XPO5: variants seen among roughly 807,000 people sequenced by gnomAD.
XPO5 encodes exportin-5.
XPO5 carries 46 observed loss-of-function variants against 160.6 expected under a neutral mutation model. The ratio of observed to expected loss-of-function variants is 0.29; its 90% confidence interval spans 0.23 to 0.37. The LOEUF (loss-of-function observed/expected upper bound fraction) is 0.37, where lower values mean the gene tolerates loss of function less well. Among genes scored for constraint, XPO5 ranks in the 10% least tolerant of loss-of-function variants. The probability of loss-of-function intolerance (pLI) is 1.00; values close to 1 mark genes in which losing one functional copy is unlikely to be tolerated. For missense variants in XPO5, 1,090 were observed against 1,463.9 expected, an observed-to-expected ratio of 0.74 and a Z score of 4.17; for synonymous variants, 537 against 519.3, an observed-to-expected ratio of 1.03 and a Z score of -0.46.
Position 43,546,955 on chromosome 6 carries a change from G to C in XPO5, c.2161-203C>G, listed in dbSNP as rs545240728. On this transcript the variant is annotated intron_variant, in intron 19 of 31. Transcript: ENST00000265351. ...CCTCTCACTGCCATTTTCAGGGCCA[G>C]TGGTAGGCTCTGGAAACTTCCCTTG... is the stretch of plus-strand genomic sequence containing the variant. Among the ~76,000 whole-genome samples, 90 of 152,298 alleles carry C rather than the reference G, an allele frequency of 5.9e-4. 1 individual carries two copies. In the South Asian group the frequency reaches 0.018, roughly 31 times the overall value.
At chr6:43,547,786 A>G in intron 18 of XPO5, 79 bp from the exon 19 acceptor site, 1 of 1,297,618 alleles carries the variant, frequency 7.7e-7, no homozygotes, top group East Asian at 2.3e-5. Context: ...TTAACAGGCT[A>G]TCATTATTTG....
chr6:43,554,325 C>A (rs1338932064), intron 13 of XPO5, among the ~76,000 whole-genome samples: 1 of 151,930 alleles, frequency 6.6e-6, no homozygotes, highest in Non-Finnish European at 1.5e-5. Context: ...CTTGGCCAGG[C>A]TGGTCTTAAA....
intron 23 of XPO5, among the ~76,000 whole-genome samples, chr6:43,530,157 TG>T (rs1413024257): frequency 6.6e-6 from 1 of 152,166 alleles, no homozygotes; most frequent in Non-Finnish European, 1.5e-5. Context: ...CTTGGGAGGC[TG>T]AGGCACATGA....
At chr6:43,561,335 ATC>A (rs1762404606) in intron 9 of XPO5, 1 of 245,150 alleles carries the variant, frequency 4.1e-6, no homozygotes, top group African/African-American at 2.3e-5. Flanking sequence ...ACCTATTCAC[ATC>A]TCTGTGTCCC....
intron 2 of XPO5, among the ~76,000 whole-genome samples, chr6:43,572,973 A>G (rs1046437793): frequency 6.6e-6 from 1 of 152,174 alleles, no homozygotes; most frequent in African/African-American, 2.4e-5. Flanking sequence ...TTCTGGAAAA[A>G]CTATGGCTAA....
At chr6:43,562,184 T>C (rs953961892) in intron 9 of XPO5, 63 bp downstream of exon 9, 6 of 1,373,166 alleles carry the variant, frequency 4.4e-6, no homozygotes, top group African/African-American at 4.3e-5. Context: ...CATTGAAACA[T>C]AAGTTTCTAA....
At chr6:43,566,294 TGAGGCAGGAGAATTGCTTGAACCCGG>T (rs1216866787) in intron 7 of XPO5, among the ~76,000 whole-genome samples, 1 of 152,128 alleles carries the variant, frequency 6.6e-6, no homozygotes, top group Non-Finnish European at 1.5e-5. Flanking sequence ...CTCAGGAGGC[TGAGGCAGGAGAATTGCTTGAACCCGG>T]GAGGCAGAGG....
Position 43,524,910 on chromosome 6 carries a change from T to G in XPO5, c.3233A>C (p.Lys1078Thr), listed in dbSNP as rs770375547. ...GTGCTGCCCGTGCATCTGTAAGCCT[T>G]TCAGCACACTGGTGAAAAGCCACGT... is the stretch of plus-strand genomic sequence containing the variant. ...AVTWLFTSVL[K>T]GLQMHGQHDG... The change falls in exon 30 of 32, where the codon AAA (lysine) becomes ACA (threonine). Residue 1078 changes from lysine to threonine, a missense_variant. By Grantham distance (78) the Lys-to-Thr change is moderately conservative. Around this residue, in one of 3 missense-constraint regions of XPO5, gnomAD observed 810 missense variants for 1,139.0 expected, o/e 0.71. Coordinates refer to ENST00000265351, the MANE Select transcript of XPO5 (RefSeq NM_020750.3). The G allele has an allele frequency of 5.6e-6, 9 of 1,613,872 alleles. No homozygotes were observed. The African/African-American group carries it at 1.1e-4, about 19-fold the overall frequency.
chr6:43,560,202 A>C lies in XPO5; in HGVS notation c.1197T>G (p.Arg399=). The part of the protein sequence containing the change: ...LLLAIIPKYL[R]ASMTNLVKMG... ...CCTTGACCAAGTTAGTCATGGAAGC[A>C]CGAAGATATTTTGGTATTATTGCTA... Residue 399 remains arginine, a synonymous_variant, in exon 11 of 32, where the codon CGT becomes CGG. Coordinates refer to ENST00000265351, the MANE Select transcript of XPO5 (RefSeq NM_020750.3). The C allele has an allele frequency of 6.2e-7, 1 of 1,612,814 alleles. No individual in the cohort carries two copies. Among genetic ancestry groups the C allele is most frequent in the Non-Finnish European group, 8.5e-7 (1 of 1,179,302 alleles).
chr6:43,567,313 A>G lies in XPO5; in HGVS notation c.690T>C (p.Thr230=). ...ACACCCAGTCAATATAGCCTGCTAG[A>G]GTATTCAGTGCTGCAACTCCTACTC... ...NCRVGVAALN[T]LAGYIDWVSM... The change falls in exon 7 of 32, where the codon ACT becomes ACC. Residue 230 remains threonine, a synonymous_variant. Coordinates refer to ENST00000265351, the MANE Select transcript of XPO5 (RefSeq NM_020750.3). The G allele has an allele frequency of 6.2e-7, 1 of 1,613,408 alleles. No individual in the cohort carries two copies. The highest frequency in any genetic ancestry group is 8.5e-7 in the Non-Finnish European group (1 of 1,179,678).
chr6:43,555,981 C>T lies in XPO5; in HGVS notation c.1313-17G>A, dbSNP rs375961223. Reference sequence around the variant, plus strand: ...CTCGGGAGGCTGCCAAGAGAAAATGCCAAGGGAAGGACAGGAATCAATAAC... The same window carrying T: ...CTCGGGAGGCTGCCAAGAGAAAATGTCAAGGGAAGGACAGGAATCAATAAC... On this transcript the variant is annotated splice_polypyrimidine_tract_variant and intron_variant, in intron 12 of 31. Transcript: ENST00000265351. 1 of 1,612,696 alleles carries T rather than the reference C, an allele frequency of 6.2e-7. No individual in the cohort carries two copies. Among genetic ancestry groups the T allele is most frequent in the Non-Finnish European group, 8.5e-7 (1 of 1,179,244 alleles).
intron 21 of XPO5, chr6:43,533,204 A>T (rs1156935268): frequency 7.1e-6 from 1 of 140,590 alleles, no homozygotes; most frequent in Non-Finnish European, 1.5e-5. Context: ...AAAAACTTTG[A>T]TACCTATCTA....
At chr6:43,552,512 CCA>C (rs1173078264) in intron 14 of XPO5, among the ~76,000 whole-genome samples, 3 of 152,096 alleles carry the variant, frequency 2.0e-5, no homozygotes, top group Non-Finnish European at 4.4e-5. Context: ...ACCAGCATGC[CCA>C]GTTAATTTTT....
chr6:43,572,384 T>C (rs1163111453), intron 3 of XPO5, 122 bp downstream of exon 3: 6 of 956,962 alleles, frequency 6.3e-6, no homozygotes, highest in Non-Finnish European at 8.1e-6. Flanking sequence ...GCCTAAATTA[T>C]GATTTCTTGT....
At chr6:43,529,766 T>A (rs1181274403) in intron 23 of XPO5, among the ~76,000 whole-genome samples, 2 of 150,284 alleles carry the variant, frequency 1.3e-5, no homozygotes, top group African/African-American at 2.5e-5. Context: ...CAAATAATAA[T>A]AAAAACTAGC....
At chr6:43,555,595 G>A in intron 13 of XPO5, 1 of 319,948 alleles carries the variant, frequency 3.1e-6, no homozygotes, top group Non-Finnish European at 5.6e-6. Context: ...GTTAGAAATG[G>A]AAAATGATGG....
chr6:43,565,696 C>G lies in XPO5; in HGVS notation c.875G>C (p.Gly292Ala), dbSNP rs1437383372. 1 of 1,610,268 alleles carries G rather than the reference C, an allele frequency of 6.2e-7. No homozygotes were observed. Residue 292 changes from glycine (G) to alanine (A), a missense_variant, in exon 8 of 32, where the codon GGA becomes GCA. Around this residue, in one of 3 missense-constraint regions of XPO5, gnomAD observed 810 missense variants for 1,139.0 expected, o/e 0.71. Transcript: ENST00000265351. ...EDRKPLMVLFGDVAMHYILSA... is the reference protein window; with the variant it reads ...EDRKPLMVLFADVAMHYILSA... ...GAGTATATAATGCATGGCAACATCTCCAAATAAGACCATCAAGGGCTTCCG... is the reference window on the plus strand; with the variant it reads ...GAGTATATAATGCATGGCAACATCTGCAAATAAGACCATCAAGGGCTTCCG...
At chr6:43,537,809 G>C (rs1794428872) in intron 20 of XPO5, among the ~76,000 whole-genome samples, 1 of 152,168 alleles carries the variant, frequency 6.6e-6, no homozygotes, top group Non-Finnish European at 1.5e-5. Context: ...GCTCACGGCT[G>C]TAATCCCAGC....
intron 17 of XPO5, among the ~76,000 whole-genome samples, 187 bp downstream of exon 17, chr6:43,549,302 G>C (rs1426711227): frequency 6.6e-6 from 1 of 152,280 alleles, no homozygotes; most frequent in East Asian, 1.9e-4. Flanking sequence ...GGCCTCAGGT[G>C]ATCTACCCAC....
Sources: gnomAD v4.1 joint callset for allele counts (sites outside exome capture counted in the v4.1 genomes callset) on GRCh38, gnomAD v4.1.1 for gene constraint, gnomAD v4.1.1 regional missense constraint, MANE v1.5 for transcripts, NCBI Gene and HGNC (gene_info 2026-07-23, HGNC 2026-07-21) for gene names.